PCSK5: variants seen among roughly 807,000 people sequenced by gnomAD.
PCSK5 encodes the protein prohormone convertase 5.
Under a neutral mutation model 233.2 loss-of-function variants are expected in PCSK5, and 129 were observed. That is an observed-to-expected ratio of 0.55 (90% CI 0.48 to 0.64). PCSK5 has a LOEUF of 0.64. PCSK5 is among the 30% of genes least tolerant of loss of function. The probability of loss-of-function intolerance (pLI) is 0.00; values close to 1 mark genes in which losing one functional copy is unlikely to be tolerated. For missense variants in PCSK5, 2,076 were observed against 2,430.1 expected, an observed-to-expected ratio of 0.85 and a Z score of 3.06; for synonymous variants, 825 against 879.2, an observed-to-expected ratio of 0.94 and a Z score of 1.09.
chr9:76,070,124 C>T (rs962626500), intron 6 of PCSK5, among the ~76,000 whole-genome samples: 1 of 151,860 alleles, frequency 6.6e-6, no homozygotes, highest in East Asian at 1.9e-4. Context: ...CCTCAGCCTC[C>T]CGAGTAGCTG....
At chr9:76,189,793 TTCTACTTTCAGG>T (rs771785923) in intron 20 of PCSK5, 47 bp downstream of exon 20, 12 of 979,548 alleles carry the variant, frequency 1.2e-5, no homozygotes, top group African/African-American at 9.7e-5. Flanking sequence ...AGTATGATCT[TTCTACTTTCAGG>T]ACTAATATTT....
intron 5 of PCSK5, among the ~76,000 whole-genome samples, chr9:76,059,935 C>T (rs1222003123): frequency 1.3e-5 from 2 of 152,130 alleles, no homozygotes; most frequent in East Asian, 1.9e-4. Flanking sequence ...AGTGGGCTTA[C>T]TCTAGAACTC....
At chr9:76,358,244 G>A (rs145829810) in intron 37 of PCSK5, among the ~76,000 whole-genome samples, 570 of 152,192 alleles carry the variant, frequency 3.7e-3, no homozygotes, top group South Asian at 6.8e-3. Flanking sequence ...GGTGGCTCAC[G>A]TCTGTAATCC....
intron 28 of PCSK5, among the ~76,000 whole-genome samples, chr9:76,304,269 C>A (rs1028580818): frequency 2.6e-5 from 4 of 152,222 alleles, no homozygotes; most frequent in African/African-American, 9.7e-5. Context: ...TCCATCTCCA[C>A]CTGTATTTGC....
intron 2 of PCSK5, among the ~76,000 whole-genome samples, chr9:75,942,592 G>A (rs5022354): frequency 0.081 from 12,382 of 152,206 alleles, 605 homozygotes; most frequent in Non-Finnish European, 0.1. Flanking sequence ...GCCAGTGCAC[G>A]GTGGCAGAAG....
chr9:76,266,966 C>G (rs1341205048), intron 24 of PCSK5, among the ~76,000 whole-genome samples: 1 of 152,146 alleles, frequency 6.6e-6, no homozygotes, highest in Non-Finnish European at 1.5e-5. Flanking sequence ...TTTCGGTGCA[C>G]CTTCCCCATT....
At chr9:76,002,504 A>G (rs1259631156) in intron 3 of PCSK5, among the ~76,000 whole-genome samples, 1 of 152,224 alleles carries the variant, frequency 6.6e-6, no homozygotes, top group East Asian at 1.9e-4. Context: ...TACTGATAAG[A>G]ACAAACGTAA....
chr9:76,227,661 G>A (rs1825941657), intron 21 of PCSK5, 56 bp downstream of exon 21: 1 of 1,123,122 alleles, frequency 8.9e-7, no homozygotes, highest in South Asian at 1.3e-5. Flanking sequence ...GCAGGGTGGA[G>A]AGAGGAGGTG....
intron 2 of PCSK5, among the ~76,000 whole-genome samples, chr9:75,956,426 T>C (rs1587416750): frequency 6.6e-6 from 1 of 152,210 alleles, no homozygotes; most frequent in Non-Finnish European, 1.5e-5. Flanking sequence ...GCAATCCTGA[T>C]TGGTTAGATT....
chr9:76,307,409 G>A lies in PCSK5; in HGVS notation c.3605-1236G>A, dbSNP rs143089958. 4.8e-3 allele frequency among the ~76,000 whole-genome samples: 728 copies of A among 152,270 alleles called. 7 individuals are homozygous for A. Among genetic ancestry groups the A allele is most frequent in the Non-Finnish European group, 6.6e-3 (446 of 68,018 alleles). On this transcript the variant is annotated intron_variant, in intron 28 of 37. Coordinates refer to ENST00000674117, the MANE Select transcript of PCSK5 (RefSeq NM_001372043.1). Reference sequence around the variant, plus strand: ...ATCCCACATTCTGAGCTAGAACTTCGTTTTCTAATTTTTTCCTGTGTGAGC... The same window carrying A: ...ATCCCACATTCTGAGCTAGAACTTCATTTTCTAATTTTTTCCTGTGTGAGC...
chr9:76,333,128 T>C (rs974524152), intron 34 of PCSK5, among the ~76,000 whole-genome samples: 3 of 152,206 alleles, frequency 2.0e-5, no homozygotes, highest in Non-Finnish European at 4.4e-5. Context: ...CAGTAAGCTA[T>C]GATTGCACCA....
At chr9:75,917,223 A>G (rs1823044894) in intron 1 of PCSK5, among the ~76,000 whole-genome samples, 1 of 151,988 alleles carries the variant, frequency 6.6e-6, no homozygotes, top group Non-Finnish European at 1.5e-5. Context: ...AGCAGTTAAT[A>G]TTGGTGTTAC....
intron 10 of PCSK5, among the ~76,000 whole-genome samples, chr9:76,138,515 C>G (rs1183499862): frequency 1.3e-5 from 2 of 152,020 alleles, no homozygotes; most frequent in Non-Finnish European, 2.9e-5. Flanking sequence ...TGATCTCCTC[C>G]CTTTTAGTGC....
chr9:76,331,695 G>A (rs2643310), intron 33 of PCSK5, among the ~76,000 whole-genome samples: 4,046 of 152,026 alleles, frequency 0.027, 89 homozygotes, highest in Middle Eastern at 0.058. Context: ...AGATGCCAGG[G>A]GATCAGAGTC....
At chr9:76,090,922 T>G (rs1831259966) in intron 7 of PCSK5, among the ~76,000 whole-genome samples, 1 of 152,058 alleles carries the variant, frequency 6.6e-6, no homozygotes, top group Non-Finnish European at 1.5e-5. Context: ...AGTCATTAGA[T>G]TCTCGTGAGA....
intron 24 of PCSK5, among the ~76,000 whole-genome samples, chr9:76,242,329 A>T (rs1480844810): frequency 1.3e-5 from 2 of 152,156 alleles, no homozygotes; most frequent in Admixed American, 6.5e-5. Context: ...TCTTTGCCTT[A>T]AATGGAAAAG....
At chr9:76,035,367 T>C (rs1828815701) in intron 5 of PCSK5, among the ~76,000 whole-genome samples, 1 of 152,204 alleles carries the variant, frequency 6.6e-6, no homozygotes, top group Non-Finnish European at 1.5e-5. Flanking sequence ...AGTGTAAATA[T>C]TCATCTTTGT....
chr9:76,292,307 CT>C, intron 25 of PCSK5, 32 bp downstream of exon 25: 2 of 1,407,058 alleles, frequency 1.4e-6, no homozygotes, highest in Non-Finnish European at 2.0e-6. Flanking sequence ...ATGGCACTAA[CT>C]TTTCTGCAGT....
At position 75,987,416 on chromosome 9, in the gene PCSK5, T is replaced by TG. The variant is rs574169476; in HGVS notation, c.411+1178dup. ...TTTTTAACCTTCCCCATTGGACTTG[T>TG]GGGGGGGCGGGTCTCTTGAGGGCAA... On this transcript the variant is annotated intron_variant, in intron 3 of 37. Coordinates refer to ENST00000674117, the MANE Select transcript of PCSK5 (RefSeq NM_001372043.1). Among the ~76,000 whole-genome samples, 158 of 152,112 alleles carry TG rather than the reference T, an allele frequency of 1.0e-3. 1 individual carries two copies. Among genetic ancestry groups the TG allele is most frequent in the African/African-American group, 2.7e-3 (111 of 41,494 alleles).
Sources: allele counts gnomAD v4.1 joint callset (sites outside exome capture counted in the v4.1 genomes callset), GRCh38; gene constraint gnomAD v4.1.1; transcripts MANE v1.5; gene names NCBI Gene and HGNC (gene_info 2026-07-23, HGNC 2026-07-21).